Variants in AGPAT3 observed in about 807,000 individuals in gnomAD.
AGPAT3 encodes 1-acyl-sn-glycerol-3-phosphate acyltransferase gamma.
A neutral mutation model predicts 47.3 loss-of-function variants in AGPAT3; 5 were observed. The ratio of observed to expected loss-of-function variants is 0.11; its 90% CI spans 0.06 to 0.22. The LOEUF (loss-of-function observed/expected upper bound fraction) is 0.22. AGPAT3 is among the 10% of genes least tolerant of loss of function. The pLI, the probability that AGPAT3 is intolerant of heterozygous loss-of-function variation, is 1.00. For missense variants in AGPAT3, 315 were observed against 493.0 expected (o/e 0.64, Z 3.42); for synonymous variants, 212 against 208.3 (o/e 1.02, Z -0.15).
chr21:43,981,304 T>G lies in AGPAT3; in HGVS notation c.1042+117T>G. On this transcript the variant is annotated intron_variant, in intron 9 of 9. Coordinates refer to ENST00000291572, the MANE Select transcript of AGPAT3 (RefSeq NM_020132.5). This position sits in a 1 kb window ranked among gnomAD's most constrained non-coding sequence, Gnocchi z 5.3. Reference sequence around the variant, plus strand: ...GTGGGAGGCAGGGGCCTGGCTGTTATGGACCCTGGAGCCAGGATCCCCCCA... The same window carrying G: ...GTGGGAGGCAGGGGCCTGGCTGTTAGGGACCCTGGAGCCAGGATCCCCCCA... The G allele has an allele frequency of 8.8e-7, 1 of 1,139,460 alleles. No homozygotes were observed. The highest frequency in any genetic ancestry group is 1.3e-6 in the Non-Finnish European group (1 of 778,052). The allele number at this position is 1,139,460 out of a possible 1,614,324, so 70.6% of individuals were successfully genotyped here. A position where few individuals can be genotyped will look rare whatever the true frequency, so the allele number is the denominator to read the frequency against.
At chr21:43,893,688 A>T (rs2086149972) in intron 1 of AGPAT3, among the ~76,000 whole-genome samples, 1 of 152,172 alleles carries the variant, frequency 6.6e-6, no homozygotes, top group African/African-American at 2.4e-5. Context: ...GCCTCATTTC[A>T]ACACTGCTGT....
chr21:43,908,988 G>T lies in AGPAT3; in HGVS notation c.-49+4969G>T, dbSNP rs2086567410. On this transcript the variant is annotated intron_variant, in intron 2 of 9. Coordinates refer to ENST00000291572, the MANE Select transcript of AGPAT3 (RefSeq NM_020132.5). The surrounding 1 kb of genome is among the most constrained non-coding windows in gnomAD (Gnocchi z 4.9). ...GTCACAGCCAGCCCTGCCCTGGAGAGAGAGGCCACTGGGAAAAACCCTGAG... is the reference window on the plus strand; with the variant it reads ...GTCACAGCCAGCCCTGCCCTGGAGATAGAGGCCACTGGGAAAAACCCTGAG... Among the ~76,000 whole-genome samples, 1 of 152,222 alleles carries T rather than the reference G, an allele frequency of 6.6e-6. No homozygotes were observed. Among genetic ancestry groups the T allele is most frequent in the Non-Finnish European group, 1.5e-5 (1 of 68,038 alleles).
At chr21:43,972,630 T>C (rs1482991133) in intron 7 of AGPAT3, among the ~76,000 whole-genome samples, 1 of 152,226 alleles carries the variant, frequency 6.6e-6, no homozygotes, top group Non-Finnish European at 1.5e-5. Context: ...CAGTCAGGGC[T>C]GTGGGTGCCG....
chr21:43,905,347 G>A (rs1476748366), intron 2 of AGPAT3, among the ~76,000 whole-genome samples: 5 of 151,958 alleles, frequency 3.3e-5, no homozygotes, highest in South Asian at 2.1e-4. Flanking sequence ...CCGCCACCAC[G>A]TCCGGCTAAT....
At chr21:43,976,669 A>G (rs545818271) in intron 7 of AGPAT3, among the ~76,000 whole-genome samples, 1 of 152,346 alleles carries the variant, frequency 6.6e-6, no homozygotes, top group Non-Finnish European at 1.5e-5. Flanking sequence ...TTATTGCTTA[A>G]TTTATATAAA....
At position 43,963,496 on chromosome 21, in the gene AGPAT3, G is replaced by A. The variant is rs578021311; in HGVS notation, c.178+3637G>A. Among the ~76,000 whole-genome samples, 3 of 152,232 alleles carry A rather than the reference G, an allele frequency of 2.0e-5. No homozygotes were observed. In the East Asian group the frequency reaches 5.8e-4, roughly 29 times the overall value. ...AAGCTGAGGCAGGAGGATCCCCTGA[G>A]GTCAGGAGTTTGAGACCAGCCTGGC... On this transcript the variant is annotated intron_variant, in intron 3 of 9. Transcript: ENST00000291572.
intron 2 of AGPAT3, among the ~76,000 whole-genome samples, chr21:43,918,568 G>A (rs2086813319): frequency 6.7e-6 from 1 of 148,418 alleles, no homozygotes; most frequent in African/African-American, 2.5e-5. Flanking sequence ...TGTAAATCTA[G>A]CAATCTGGCA....
intron 2 of AGPAT3, among the ~76,000 whole-genome samples, chr21:43,944,161 G>A (rs958363619): frequency 2.3e-4 from 35 of 152,364 alleles, no homozygotes; most frequent in South Asian, 6.2e-4. Context: ...TTTCACCCAC[G>A]TGGCAGAATC....
rs945258621 is a variant in AGPAT3, at chr21:43,933,211, C to T, written c.-48-26423C>T. On this transcript the variant is annotated intron_variant, in intron 2 of 9. Coordinates refer to ENST00000291572, the MANE Select transcript of AGPAT3 (RefSeq NM_020132.5). The surrounding 1 kb of genome is among the most constrained non-coding windows in gnomAD (Gnocchi z 6.0). ...CTGCTGGCTGTCGGTGTGGCTCCTT[C>T]TGAGGCACAGCCGTTCGGGTCCTTT... Among the ~76,000 whole-genome samples the T allele has an allele frequency of 7.2e-5, 11 of 152,190 alleles. No homozygotes were observed. The highest frequency in any genetic ancestry group is 2.7e-4 in the African/African-American group (11 of 41,436).
At chr21:43,890,384 A>G (rs982297059) in intron 1 of AGPAT3, among the ~76,000 whole-genome samples, 9 of 152,228 alleles carry the variant, frequency 5.9e-5, no homozygotes, top group Middle Eastern at 3.4e-3. Flanking sequence ...TTGTGAGCCA[A>G]TTCAACCTCT....
At chr21:43,943,993 C>G (rs1180654418) in intron 2 of AGPAT3, among the ~76,000 whole-genome samples, 1 of 152,216 alleles carries the variant, frequency 6.6e-6, no homozygotes, top group African/African-American at 2.4e-5. Context: ...CATGAGGCTG[C>G]CTCGGGAAGC....
intron 3 of AGPAT3, 137 bp from the exon 4 acceptor site, chr21:43,967,809 G>A (rs2146733612): frequency 1.2e-6 from 1 of 820,080 alleles, no homozygotes. Context: ...AACGTACTCA[G>A]TGTAAGTCAT....
At chr21:43,885,159 C>A (rs1208799470) in intron 1 of AGPAT3, among the ~76,000 whole-genome samples, 2 of 152,216 alleles carry the variant, frequency 1.3e-5, no homozygotes, top group African/African-American at 4.8e-5. Flanking sequence ...GGCATCCCCA[C>A]CTCCCTCAGC....
intron 7 of AGPAT3, among the ~76,000 whole-genome samples, chr21:43,975,395 C>T (rs2089576090): frequency 6.6e-6 from 1 of 151,262 alleles, no homozygotes; most frequent in Non-Finnish European, 1.5e-5. Flanking sequence ...GGTGTGTGCA[C>T]TGGTGTGTGG....
chr21:43,978,183 T>C (rs1052130801), intron 8 of AGPAT3, 62 bp downstream of exon 8: 66 of 1,492,172 alleles, frequency 4.4e-5, no homozygotes, highest in Non-Finnish European at 5.7e-5. Flanking sequence ...GAAGGGGTGC[T>C]GGCGAGCAGG....
At chr21:43,905,614 A>G (rs2086474327) in intron 2 of AGPAT3, among the ~76,000 whole-genome samples, 1 of 152,230 alleles carries the variant, frequency 6.6e-6, no homozygotes, top group African/African-American at 2.4e-5. Flanking sequence ...CTGTCCTCTA[A>G]CATTCTGGAT....
Position 43,954,959 on chromosome 21 carries a change from G to A in AGPAT3, c.-48-4675G>A, listed in dbSNP as rs945051106. The A allele has an allele frequency of 1.7e-5, 18 of 1,065,016 alleles. No homozygotes were observed. In the Admixed American group the frequency reaches 3.6e-4, roughly 21 times the overall value. 66.0% of individuals were successfully genotyped at this position (1,065,016 alleles called of 1,614,324 possible). On this transcript the variant is annotated intron_variant, in intron 2 of 9. Transcript: ENST00000291572. This position sits in a 1 kb window ranked among gnomAD's most constrained non-coding sequence, Gnocchi z 4.0. ...TGATGGACCAGAGACTGGCCGCTTT[G>A]TGACACCGAGGACGGTTGATAAAGT...
chr21:43,898,958 CT>C (rs2086290201), intron 1 of AGPAT3, among the ~76,000 whole-genome samples: 1 of 152,056 alleles, frequency 6.6e-6, no homozygotes, highest in Non-Finnish European at 1.5e-5. Context: ...TCAAGTGATC[CT>C]TGTGCCTTGG....
At chr21:43,886,817 A>G (rs1430175597) in intron 1 of AGPAT3, among the ~76,000 whole-genome samples, 2 of 152,224 alleles carry the variant, frequency 1.3e-5, no homozygotes, top group African/African-American at 2.4e-5. Flanking sequence ...ATTGTGTATA[A>G]GAACCACATT....
Sources: allele counts gnomAD v4.1 joint callset (sites outside exome capture counted in the v4.1 genomes callset), GRCh38; gene constraint gnomAD v4.1.1; non-coding constraint Gnocchi (gnomAD v3.1); transcripts MANE v1.5; gene names NCBI Gene and HGNC (gene_info 2026-07-23, HGNC 2026-07-21).